Variants in MTMR6 observed in about 807,000 individuals in gnomAD.
MTMR6 encodes the protein myotubularin related protein 6, also known as phosphatidylinositol-3,5-bisphosphate 3-phosphatase MTMR6.
A neutral mutation model predicts 80.1 loss-of-function variants in MTMR6; 47 were observed. The observed-to-expected ratio is 0.59, with a 90% CI of 0.46 to 0.75. The LOEUF (loss-of-function observed/expected upper bound fraction) is 0.75, where lower values mean the gene tolerates loss of function less well. MTMR6 is among the 30% of genes least tolerant of loss of function. The pLI, the probability that MTMR6 is intolerant of heterozygous loss-of-function variation, is 0.00. For synonymous variants in MTMR6, 254 were observed against 253.0 expected (o/e 1.00, Z -0.04); for missense variants, 629 against 730.9 (o/e 0.86, Z 1.61).
At chr13:25,270,715 C>G (rs1957553334) in intron 2 of MTMR6, among the ~76,000 whole-genome samples, 1 of 152,146 alleles carries the variant, frequency 6.6e-6, no homozygotes, top group Non-Finnish European at 1.5e-5. Context: ...ATCAGTATCT[C>G]AAGTGAGTTT....
intron 6 of MTMR6, chr13:25,260,746 G>T: frequency 1.1e-6 from 1 of 873,384 alleles, no homozygotes; most frequent in Non-Finnish European, 1.5e-6. Context: ...AATTATTTTA[G>T]TTTCAGGATC....
chr13:25,254,323 T>G, intron 10 of MTMR6, 62 bp downstream of exon 10: 1 of 1,174,096 alleles, frequency 8.5e-7, no homozygotes, highest in South Asian at 1.2e-5. Context: ...CAGAAACATT[T>G]TGGCATTCTA....
intron 11 of MTMR6, 117 bp from the exon 12 acceptor site, chr13:25,252,101 T>C: frequency 1.8e-6 from 2 of 1,121,114 alleles, no homozygotes; most frequent in Non-Finnish European, 2.5e-6. Context: ...TTTAGTTTTT[T>C]CTTGTATTCA....
chr13:25,271,408 C>T lies in MTMR6; in HGVS notation c.141+2663G>A, dbSNP rs1326317822. Among the ~76,000 whole-genome samples the T allele has an allele frequency of 9.2e-5, 14 of 152,318 alleles. 1 individual carries two copies. The South Asian group carries it at 2.9e-3, about 32-fold the overall frequency. ...GTCACCCAAGCAGTGAACAGCAGAGCTGACATTTGAACCCAAAGCTACCTG... is the reference window on the plus strand; with the variant it reads ...GTCACCCAAGCAGTGAACAGCAGAGTTGACATTTGAACCCAAAGCTACCTG... On this transcript the variant is annotated intron_variant, in intron 2 of 13. Transcript: ENST00000381801.
At chr13:25,275,580 C>T (rs1357858639) in intron 1 of MTMR6, among the ~76,000 whole-genome samples, 4 of 149,178 alleles carry the variant, frequency 2.7e-5, no homozygotes, top group Non-Finnish European at 4.5e-5. Context: ...ATTTCATTAC[C>T]GCCGGGTGTG....
chr13:25,281,443 AAG>A, intron 1 of MTMR6, among the ~76,000 whole-genome samples: 2 of 152,268 alleles, frequency 1.3e-5, no homozygotes, highest in South Asian at 4.1e-4. Flanking sequence ...AAAGAAAAAA[AAG>A]AAGAAAAGAT....
Position 25,251,734 on chromosome 13 carries a change from T to C in MTMR6, c.1520A>G (p.His507Arg). Residue 507 changes from histidine (H) to arginine (R), a missense_variant, in exon 13 of 14, where the codon CAT (histidine) becomes CGT (arginine). By Grantham distance (29) the His-to-Arg change is conservative. Transcript: ENST00000381801. The surrounding 1 kb of genome is among the most constrained non-coding windows in gnomAD (Gnocchi z 4.1). ...TATATTAAATACAGACTGCCTAGGA[T>C]GCAGTGTTCGATCAAATTGATGGTA... ...NMYHQFDRTL[H>R]PRQSVFNIIM... 1.3e-6 allele frequency: 2 copies of C among 1,598,532 alleles called. No individual in the cohort carries two copies. Among genetic ancestry groups the C allele is most frequent in the South Asian group, 1.1e-5 (1 of 89,792 alleles).
At chr13:25,277,713 G>C (rs1273368041) in intron 1 of MTMR6, among the ~76,000 whole-genome samples, 1 of 152,182 alleles carries the variant, frequency 6.6e-6, no homozygotes, top group Non-Finnish European at 1.5e-5. Context: ...CATAGGTATA[G>C]TTCAGTTTTT....
chr13:25,285,589 C>A (rs1037791741), intron 1 of MTMR6, among the ~76,000 whole-genome samples: 4 of 151,680 alleles, frequency 2.6e-5, no homozygotes, highest in African/African-American at 9.7e-5. Flanking sequence ...GGCTGGAGTG[C>A]ACTGGTGCCA....
Position 25,261,738 on chromosome 13 carries a change from T to A in MTMR6, c.656A>T (p.His219Leu), listed in dbSNP as rs755442387. 5.6e-6 allele frequency: 9 copies of A among 1,613,900 alleles called. No individual in the cohort carries two copies. The South Asian group carries it at 9.9e-5, about 18-fold the overall frequency. Residue 219 changes from histidine to leucine, a missense_variant, in exon 6 of 14, where the codon CAT becomes CTT. Coordinates refer to ENST00000381801, the MANE Select transcript of MTMR6 (RefSeq NM_004685.5). ...GGCTTTACTAATGGCTTGAAGCAAA[T>A]GTTCATCCTCCAGGCACCTGGCACT... The part of the protein sequence containing the change: ...GFSARCLEDE[H>L]LLQAISKANP...
intron 1 of MTMR6, among the ~76,000 whole-genome samples, chr13:25,283,201 G>C (rs1247776028): frequency 1.3e-5 from 2 of 152,138 alleles, no homozygotes; most frequent in African/African-American, 4.8e-5. Context: ...TGTGAGGCAA[G>C]AGAGTGTGGT....
chr13:25,271,667 G>A (rs1209961105), intron 2 of MTMR6, among the ~76,000 whole-genome samples: 1 of 152,112 alleles, frequency 6.6e-6, no homozygotes, highest in African/African-American at 2.4e-5. Context: ...TTATCACTAT[G>A]TATTTTACTT....
intron 1 of MTMR6, among the ~76,000 whole-genome samples, chr13:25,285,400 C>G (rs535455915): frequency 5.7e-5 from 8 of 139,198 alleles, no homozygotes; most frequent in African/African-American, 8.1e-5. Flanking sequence ...CCCCCCCCCC[C>G]CCAATTATGT....
chr13:25,287,077 C>A lies in MTMR6; in HGVS notation c.24+147G>T, dbSNP rs978666765. On this transcript the variant is annotated intron_variant, in intron 1 of 13. Transcript: ENST00000381801. ...CCAAGCTAACCCTGCCCTCCCAGAC[C>A]AGGCCTGGCCAGACCCTCCCGCCCC... The A allele has an allele frequency of 3.4e-5, 40 of 1,168,064 alleles. No individual in the cohort carries two copies. In the East Asian group the frequency reaches 5.7e-4, roughly 17 times the overall value. 72.4% of individuals were successfully genotyped at this position (1,168,064 alleles called of 1,614,324 possible). A position where few individuals can be genotyped will look rare whatever the true frequency, so the allele number is the denominator to read the frequency against.
chr13:25,257,448 T>A, intron 8 of MTMR6, 127 bp from the exon 9 acceptor site: 1 of 1,133,354 alleles, frequency 8.8e-7, no homozygotes, highest in Non-Finnish European at 1.2e-6. Context: ...TGTCACAGCA[T>A]AATTTCCAAA....
In MTMR6 at chr13:25,252,004, C is replaced by A. The variant is rs753572087; in HGVS notation, c.1347-20G>T. ...TTCAACCTTAATATAATGAGAAAAA[C>A]ACAGAGATCTTTCCTATAGATGCAA... is the stretch of plus-strand genomic sequence containing the variant. On this transcript the variant is annotated intron_variant, in intron 11 of 13. Coordinates refer to ENST00000381801, the MANE Select transcript of MTMR6 (RefSeq NM_004685.5). 17 of 1,602,394 alleles carry A rather than the reference C, an allele frequency of 1.1e-5. No individual in the cohort carries two copies. In the African/African-American group the frequency reaches 1.6e-4, roughly 15 times the overall value.
intron 5 of MTMR6, among the ~76,000 whole-genome samples, chr13:25,265,288 T>C (rs1220053075): frequency 1.3e-5 from 2 of 152,116 alleles, no homozygotes; most frequent in Non-Finnish European, 1.5e-5. Context: ...GTTAACTAAT[T>C]CTATTATTTT....
At chr13:25,266,576 A>C (rs867638640) in intron 3 of MTMR6, among the ~76,000 whole-genome samples, 1 of 152,364 alleles carries the variant, frequency 6.6e-6, no homozygotes, top group South Asian at 2.1e-4. Context: ...TAAAAGTAAA[A>C]TGATAAAGAC....
intron 3 of MTMR6, among the ~76,000 whole-genome samples, chr13:25,267,538 G>C (rs1215089325): frequency 6.6e-6 from 1 of 152,104 alleles, no homozygotes; most frequent in Non-Finnish European, 1.5e-5. Flanking sequence ...CTGTGGTTTT[G>C]TAAGTCTCTA....
Sources: gnomAD v4.1 joint callset for allele counts (sites outside exome capture counted in the v4.1 genomes callset) on GRCh38, gnomAD v4.1.1 for gene constraint, Gnocchi (gnomAD v3.1) non-coding constraint, MANE v1.5 for transcripts, NCBI Gene and HGNC (gene_info 2026-07-23, HGNC 2026-07-21) for gene names.